RSBN1L: variants seen among roughly 807,000 people sequenced by gnomAD.
The protein encoded by RSBN1L is lysine-specific demethylase RSBN1L.
Under a neutral mutation model 67.7 loss-of-function variants are expected in RSBN1L, and 30 were observed. That is an observed-to-expected ratio of 0.44 (90% confidence interval 0.33 to 0.60). RSBN1L has a LOEUF of 0.60. Ranked by LOEUF, RSBN1L falls within the 20% of genes least tolerant of loss-of-function variation. RSBN1L has a pLI of 0.02. For missense variants in RSBN1L, 992 were observed against 1,031.7 expected (o/e 0.96, Z 0.53); for synonymous variants, 433 against 387.0 (o/e 1.12, Z -1.39).
At chr7:77,736,213 A>T (rs3764825) in intron 1 of RSBN1L, among the ~76,000 whole-genome samples, 197 bp from the exon 2 acceptor site, 1 of 152,144 alleles carries the variant, frequency 6.6e-6, no homozygotes, top group Non-Finnish European at 1.5e-5. Context: ...CATTTTGACA[A>T]TATGTATTTC....
intron 1 of RSBN1L, among the ~76,000 whole-genome samples, chr7:77,721,741 G>A (rs1192508707): frequency 6.6e-6 from 1 of 152,176 alleles, no homozygotes; most frequent in Non-Finnish European, 1.5e-5. Flanking sequence ...AAGAAGGTGA[G>A]TCTTAACTGA....
chr7:77,723,420 A>G (rs1484913143), intron 1 of RSBN1L, among the ~76,000 whole-genome samples: 1 of 152,196 alleles, frequency 6.6e-6, no homozygotes, highest in African/African-American at 2.4e-5. Flanking sequence ...CCTAATAAAT[A>G]ATGTATGTGT....
intron 6 of RSBN1L, among the ~76,000 whole-genome samples, chr7:77,777,241 G>T (rs1791930352): frequency 6.6e-6 from 1 of 151,820 alleles, no homozygotes. Context: ...ACCCCATGAT[G>T]TATGTTATTT....
chr7:77,700,560 G>T (rs1460128417), intron 1 of RSBN1L, among the ~76,000 whole-genome samples: 1 of 152,140 alleles, frequency 6.6e-6, no homozygotes, highest in African/African-American at 2.4e-5. Context: ...AGGGATGGGT[G>T]TCTGAAGATT....
intron 3 of RSBN1L, among the ~76,000 whole-genome samples, chr7:77,760,061 C>T (rs896743733): frequency 2.6e-5 from 4 of 152,138 alleles, no homozygotes; most frequent in African/African-American, 7.2e-5. Flanking sequence ...TTCCCCCTTG[C>T]AGCAGTTTTC....
chr7:77,724,744 T>C lies in RSBN1L; in HGVS notation c.587-11666T>C, dbSNP rs1272946714. Among the ~76,000 whole-genome samples the C allele has an allele frequency of 6.1e-5, 9 of 147,300 alleles. No individual in the cohort carries two copies. In the East Asian group the frequency reaches 6.3e-4, roughly 10 times the overall value. ...CCCGGCCATGAATCCCTTTCTATTG[T>C]AGAAGTTTCAAATAATTTAGGAAGT... On this transcript the variant is annotated intron_variant, in intron 1 of 7. Coordinates refer to ENST00000334955, the MANE Select transcript of RSBN1L (RefSeq NM_198467.3).
intron 2 of RSBN1L, among the ~76,000 whole-genome samples, chr7:77,748,730 T>G (rs1045405445): frequency 6.6e-6 from 1 of 151,984 alleles, no homozygotes; most frequent in African/African-American, 2.4e-5. Flanking sequence ...AGCAATCCAC[T>G]CACCTCGGCC....
At chr7:77,726,674 A>G (rs1791207587) in intron 1 of RSBN1L, among the ~76,000 whole-genome samples, 2 of 150,342 alleles carry the variant, frequency 1.3e-5, no homozygotes, top group East Asian at 2.0e-4. Flanking sequence ...CAGTGGCGCA[A>G]TCTAGGTTCA....
rs1791219601 is a variant in RSBN1L at position 77,727,468 on chromosome 7, T to G, written c.587-8942T>G. On this transcript the variant is annotated intron_variant, in intron 1 of 7. Coordinates refer to ENST00000334955, the MANE Select transcript of RSBN1L (RefSeq NM_198467.3). ...AGTTAGTTTTAGACATATAGTGCAT[T>G]CTTGTTTAGATAAGAATTGTCACTT... Among the ~76,000 whole-genome samples the G allele has an allele frequency of 1.3e-5, 2 of 152,184 alleles. 1 individual carries two copies. The highest frequency in any genetic ancestry group is 2.9e-5 in the Non-Finnish European group (2 of 68,028).
rs1380251282 is a variant in RSBN1L at position 77,778,911 on chromosome 7, A to G, written c.2284A>G (p.Ile762Val). The G allele has an allele frequency of 3.1e-6, 5 of 1,614,016 alleles. No individual in the cohort carries two copies. The highest frequency in any genetic ancestry group is 4.2e-6 in the Non-Finnish European group (5 of 1,179,910). ...IKHEPIASVR[I>V]KEEPVNVNIP... ...ACATGAACCTATTGCATCTGTAAGA[A>G]TCAAGGAAGAACCTGTGAATGTTAA... The change falls in exon 8 of 8, where the codon ATC (isoleucine) becomes GTC (valine). Residue 762 changes from isoleucine to valine, a missense_variant. By Grantham distance (29) the Ile-to-Val change is conservative (BLOSUM62 3). Transcript: ENST00000334955.
At chr7:77,770,111 G>A (rs900557089) in intron 5 of RSBN1L, among the ~76,000 whole-genome samples, 9 of 151,386 alleles carry the variant, frequency 5.9e-5, no homozygotes. Context: ...AGTGGCTCAC[G>A]CCTGTAATCC....
rs1227412677 is a variant in RSBN1L at position 77,701,189 on chromosome 7, C to CA, written c.586+4143dup. Among the ~76,000 whole-genome samples, 552 of 132,722 alleles carry CA rather than the reference C, an allele frequency of 4.2e-3. 5 individuals carry two copies. Among genetic ancestry groups the CA allele is most frequent in the African/African-American group, 0.015 (512 of 34,728 alleles). 87.1% of individuals were successfully genotyped at this position (132,722 alleles called of 152,430 possible). A position where few individuals can be genotyped will look rare whatever the true frequency, so the allele number is the denominator to read the frequency against. Reference sequence around the variant, plus strand: ...AAAAAAACAACAACAACAACAACAACAAAAAAAAACGACATCCCTTCTGTA... The same window carrying CA: ...AAAAAAACAACAACAACAACAACAACAAAAAAAAAACGACATCCCTTCTGTA... On this transcript the variant is annotated intron_variant, in intron 1 of 7. Transcript: ENST00000334955.
chr7:77,759,090 T>C (rs2150429243), intron 3 of RSBN1L, among the ~76,000 whole-genome samples: 1 of 152,384 alleles, frequency 6.6e-6, no homozygotes, highest in Non-Finnish European at 1.5e-5. Flanking sequence ...ATCTGACTGT[T>C]AGACCTGCTT....
In RSBN1L at chr7:77,749,684, G is replaced by T; in HGVS notation, c.964G>T (p.Glu322Ter). 6.2e-7 allele frequency: 1 copy of T among 1,614,158 alleles called. No individual in the cohort carries two copies. The highest frequency in any genetic ancestry group is 8.5e-7 in the Non-Finnish European group (1 of 1,180,026). Residue 322 changes from glutamate to a stop codon, truncating the protein, a stop_gained, in exon 3 of 8, where the codon GAG becomes TAG. Transcript: ENST00000334955. LOFTEE classifies it high-confidence loss of function. The part of the protein sequence containing the change: ...NYDSKIPENS[E>*]FPFVSLKEPR... Reference sequence around the variant, plus strand: ...TGATTCCAAAATTCCAGAGAACAGTGAGTTTCCATTTGTCTCATTAAAGGA... The same window carrying T: ...TGATTCCAAAATTCCAGAGAACAGTTAGTTTCCATTTGTCTCATTAAAGGA...
At chr7:77,761,587 T>C (rs1791697763) in intron 3 of RSBN1L, among the ~76,000 whole-genome samples, 1 of 152,246 alleles carries the variant, frequency 6.6e-6, no homozygotes. Flanking sequence ...ATTTACATTT[T>C]TGTGAAAAGC....
At chr7:77,745,858 CT>C (rs1791477367) in intron 2 of RSBN1L, among the ~76,000 whole-genome samples, 1 of 152,204 alleles carries the variant, frequency 6.6e-6, no homozygotes, top group Non-Finnish European at 1.5e-5. Context: ...CTAGTATCAT[CT>C]CAGATCGTTA....
At chr7:77,734,370 G>A (rs1227201962) in intron 1 of RSBN1L, among the ~76,000 whole-genome samples, 4 of 151,996 alleles carry the variant, frequency 2.6e-5, no homozygotes, top group African/African-American at 9.7e-5. Context: ...ATGTGGAGAC[G>A]TTTTAGGTGA....
Position 77,782,683 on chromosome 7 carries a change from A to G in RSBN1L, c.*3515A>G, listed in dbSNP as rs1053642256. On this transcript the variant is annotated 3_prime_UTR_variant, in exon 8 of 8. Transcript: ENST00000334955. Reference sequence around the variant, plus strand: ...AATAATTATGTTTGTTTCCGCATATATTCATTTTTAATGCATTCTGTAACT... The same window carrying G: ...AATAATTATGTTTGTTTCCGCATATGTTCATTTTTAATGCATTCTGTAACT... 6.6e-6 allele frequency: 1 copy of G among 152,074 alleles called. No homozygotes were observed. Among genetic ancestry groups the G allele is most frequent in the Non-Finnish European group, 1.5e-5 (1 of 68,004 alleles). The allele number at this position is 152,074 out of a possible 1,614,324, so 9.4% of individuals were successfully genotyped here. A position where few individuals can be genotyped will look rare whatever the true frequency, so the allele number is the denominator to read the frequency against.
intron 2 of RSBN1L, among the ~76,000 whole-genome samples, chr7:77,742,463 G>C (rs75289311): frequency 0.027 from 4,043 of 152,138 alleles, 194 homozygotes; most frequent in African/African-American, 0.092. Flanking sequence ...GTTTTTCTTG[G>C]ACATTGGTCA....
Sources: gnomAD v4.1 joint callset for allele counts (sites outside exome capture counted in the v4.1 genomes callset) on GRCh38, gnomAD v4.1.1 for gene constraint, MANE v1.5 for transcripts, NCBI Gene and HGNC (gene_info 2026-07-23, HGNC 2026-07-21) for gene names.